Variants in SH3PXD2A observed in about 807,000 individuals in gnomAD.
SH3PXD2A encodes the protein SH3 and PX domain-containing protein 2A.
A neutral mutation model predicts 115.2 loss-of-function variants in SH3PXD2A; 32 were observed. The ratio of observed to expected loss-of-function variants is 0.28; its 90% CI spans 0.21 to 0.37. The LOEUF is 0.37. Among genes scored for constraint, SH3PXD2A ranks in the 10% least tolerant of loss-of-function variants. The pLI is 1.00. For missense variants in SH3PXD2A, 1,328 were observed against 1,498.7 expected (o/e 0.89, Z 1.88); for synonymous variants, 610 against 629.1 (o/e 0.97, Z 0.45).
chr10:103,715,279 G>A (rs1489018089), intron 5 of SH3PXD2A, among the ~76,000 whole-genome samples: 1 of 152,218 alleles, frequency 6.6e-6, no homozygotes, highest in African/African-American at 2.4e-5. Context: ...TGCACAGATG[G>A]GGAAACAGAC....
chr10:103,730,951 G>A (rs2038311354), intron 4 of SH3PXD2A, among the ~76,000 whole-genome samples: 1 of 152,204 alleles, frequency 6.6e-6, no homozygotes, highest in African/African-American at 2.4e-5. Flanking sequence ...GACTGAATGT[G>A]CACCCAGGCA....
chr10:103,778,858 C>A (rs993182096), intron 2 of SH3PXD2A, among the ~76,000 whole-genome samples: 1 of 152,208 alleles, frequency 6.6e-6, no homozygotes, highest in African/African-American at 2.4e-5. Context: ...GGCTGTTGAG[C>A]TTTGTCCCAA....
At chr10:103,711,752 A>G (rs1190136758) in intron 5 of SH3PXD2A, among the ~76,000 whole-genome samples, 1 of 152,190 alleles carries the variant, frequency 6.6e-6, no homozygotes, top group East Asian at 1.9e-4. Flanking sequence ...AGTTTGGAAG[A>G]ATATAAAATG....
At position 103,599,446 on chromosome 10, in the gene SH3PXD2A, A is replaced by G. The variant is rs2036185140; in HGVS notation, c.*2370T>C. ...GTGACTGAACTGGCTCAGTGCAGACATCTGAGGAGCGAGGCTGCAGGGCCC... is the reference window on the plus strand; with the variant it reads ...GTGACTGAACTGGCTCAGTGCAGACGTCTGAGGAGCGAGGCTGCAGGGCCC... On this transcript the variant is annotated 3_prime_UTR_variant, in exon 15 of 15. Coordinates refer to ENST00000369774, the MANE Select transcript of SH3PXD2A (RefSeq NM_001394015.1). 1 of 152,682 alleles carries G rather than the reference A, an allele frequency of 6.5e-6. No homozygotes were observed. 9.5% of individuals were successfully genotyped at this position (152,682 alleles called of 1,614,324 possible).
At chr10:103,606,434 A>T (rs1485841571) in intron 13 of SH3PXD2A, among the ~76,000 whole-genome samples, 13 of 51,238 alleles carry the variant, frequency 2.5e-4, no homozygotes, top group African/African-American at 8.1e-4. Context: ...GAATTTGCTA[A>T]AAAAAAAAAA....
At chr10:103,653,389 G>A (rs1399142179) in intron 8 of SH3PXD2A, among the ~76,000 whole-genome samples, 3 of 152,144 alleles carry the variant, frequency 2.0e-5, no homozygotes, top group Non-Finnish European at 4.4e-5. Context: ...AGGCGGCCAG[G>A]TATTGCCCTG....
chr10:103,677,946 T>C, intron 6 of SH3PXD2A: 1 of 438,928 alleles, frequency 2.3e-6, no homozygotes, highest in Non-Finnish European at 4.5e-6. Flanking sequence ...CGGAACCACA[T>C]ACAGGCATAC....
intron 5 of SH3PXD2A, among the ~76,000 whole-genome samples, chr10:103,723,521 C>G (rs1489956481): frequency 6.6e-6 from 1 of 152,170 alleles, no homozygotes; most frequent in Non-Finnish European, 1.5e-5. Context: ...ATCTTTACCA[C>G]CACCCACAGC....
chr10:103,678,069 T>G, intron 6 of SH3PXD2A: 1 of 1,253,794 alleles, frequency 8.0e-7, no homozygotes, highest in South Asian at 1.2e-5. Flanking sequence ...AAGAGATTTT[T>G]AGAAAAATTA....
At chr10:103,618,236 C>T (rs2036549562) in intron 10 of SH3PXD2A, among the ~76,000 whole-genome samples, 1 of 152,168 alleles carries the variant, frequency 6.6e-6, no homozygotes, top group Non-Finnish European at 1.5e-5. Flanking sequence ...TGGTGCCTCC[C>T]CTGGTTTCTT....
At chr10:103,810,911 CACACACACGGAG>C (rs1334096767) in intron 1 of SH3PXD2A, among the ~76,000 whole-genome samples, 8 of 16,554 alleles carry the variant, frequency 4.8e-4, no homozygotes, top group African/African-American at 8.5e-4. Context: ...AACATGGACA[CACACACACGGAG>C]ACACACACAT....
intron 5 of SH3PXD2A, among the ~76,000 whole-genome samples, chr10:103,719,450 G>A (rs985357489): frequency 2.6e-5 from 4 of 152,324 alleles, no homozygotes; most frequent in East Asian, 1.9e-4. Context: ...TGTCACAGTC[G>A]TACTTACCAT....
chr10:103,607,750 G>A lies in SH3PXD2A; in HGVS notation c.1309-1833C>T, dbSNP rs1287257141. ...GAAAAGATTGAGAAATCGGATGGTT[G>A]CCGCGTCTGTGTAGAAAGAAGTAGA... On this transcript the variant is annotated intron_variant, in intron 13 of 14. Transcript: ENST00000369774. 3.3e-4 allele frequency among the ~76,000 whole-genome samples: 51 copies of A among 152,334 alleles called. 1 individual carries two copies. The East Asian group carries it at 6.2e-3, about 18-fold the overall frequency.
intron 3 of SH3PXD2A, among the ~76,000 whole-genome samples, chr10:103,758,532 G>C (rs1325521670): frequency 3.3e-5 from 5 of 152,334 alleles, no homozygotes; most frequent in Non-Finnish European, 7.3e-5. Context: ...GGCCTACTTT[G>C]TTCTCAGTCA....
intron 1 of SH3PXD2A, among the ~76,000 whole-genome samples, chr10:103,853,138 G>T (rs1047894822): frequency 6.6e-6 from 1 of 152,158 alleles, no homozygotes; most frequent in East Asian, 1.9e-4. Flanking sequence ...ATTCTTACTC[G>T]GGAAGCGGAG....
At chr10:103,750,043 G>C (rs2038556415) in intron 3 of SH3PXD2A, 1 of 152,210 alleles carries the variant, frequency 6.6e-6, no homozygotes, top group East Asian at 1.9e-4. Context: ...ACTATGCTGA[G>C]ATAATACATT....
At position 103,801,340 on chromosome 10, in the gene SH3PXD2A, C is replaced by G; in HGVS notation, c.95G>C (p.Trp32Ser). The part of the protein sequence containing the change: ...KHYVYIINVT[W>S]SDSTSQTIYR... Reference sequence around the variant, plus strand: ...GATAGTCTGGGAGGTGGAGTCAGACCAGGTCACATTGATTATGTATACCTG... The same window carrying G: ...GATAGTCTGGGAGGTGGAGTCAGACGAGGTCACATTGATTATGTATACCTG... The change falls in exon 2 of 15, where the codon TGG becomes TCG. Residue 32 changes from tryptophan to serine, a missense_variant. Physicochemically the swap from Trp to Ser is radical, Grantham distance 177. Transcript: ENST00000369774. 1.2e-6 allele frequency: 2 copies of G among 1,610,796 alleles called. No individual in the cohort carries two copies. Among genetic ancestry groups the G allele is most frequent in the Non-Finnish European group, 1.7e-6 (2 of 1,177,028 alleles).
chr10:103,842,147 C>T (rs1254780460), intron 1 of SH3PXD2A, among the ~76,000 whole-genome samples: 1 of 145,868 alleles, frequency 6.9e-6, no homozygotes, highest in African/African-American at 2.5e-5. Context: ...AAAAAAAGCA[C>T]AGCAACTCCC....
At chr10:103,662,665 C>T (rs1448525528) in intron 7 of SH3PXD2A, among the ~76,000 whole-genome samples, 4 of 152,016 alleles carry the variant, frequency 2.6e-5, no homozygotes, top group African/African-American at 4.8e-5. Flanking sequence ...TCCCAAAGTG[C>T]TGGGATTACA....
Sources: allele counts gnomAD v4.1 joint callset (sites outside exome capture counted in the v4.1 genomes callset), GRCh38; gene constraint gnomAD v4.1.1; transcripts MANE v1.5; gene names NCBI Gene and HGNC (gene_info 2026-07-23, HGNC 2026-07-21).